TUBA1C: variants seen among roughly 807,000 people sequenced by gnomAD.
The protein encoded by TUBA1C is tubulin alpha 1c.
TUBA1C carries 16 observed loss-of-function variants against 34.9 expected under a neutral mutation model. That is an observed-to-expected ratio of 0.46 (90% CI 0.31 to 0.70). TUBA1C has a LOEUF of 0.70. Among genes scored for constraint, TUBA1C ranks in the 30% least tolerant of loss-of-function variants. The pLI, the probability that TUBA1C is intolerant of heterozygous loss-of-function variation, is 0.05. For missense variants in TUBA1C, 329 were observed against 587.3 expected (o/e 0.56, Z 4.55); for synonymous variants, 177 against 215.9 (o/e 0.82, Z 1.58).
At position 49,273,273 on chromosome 12, in the gene TUBA1C, T is replaced by C. The variant is rs1443320491; in HGVS notation, c.*46T>C. Reference sequence around the variant, plus strand: ...ACTCCTTTGTCTTGGAACTGTCTTATTTTTGTTCTGTAAATGTCTATTGCC... The same window carrying C: ...ACTCCTTTGTCTTGGAACTGTCTTACTTTTGTTCTGTAAATGTCTATTGCC... On this transcript the variant is annotated 3_prime_UTR_variant, in exon 4 of 4. Transcript: ENST00000301072. 3.1e-6 allele frequency: 5 copies of C among 1,613,960 alleles called. No individual in the cohort carries two copies. Among genetic ancestry groups the C allele is most frequent in the Admixed American group, 1.7e-5 (1 of 59,996 alleles).
intron 1 of TUBA1C, among the ~76,000 whole-genome samples, chr12:49,237,608 G>A (rs1339371455): frequency 1.3e-5 from 2 of 151,738 alleles, no homozygotes; most frequent in African/African-American, 4.8e-5. Context: ...AGCCACATGT[G>A]GTGGCATGTG....
Position 49,272,204 on chromosome 12 carries a change from A to G in TUBA1C, c.376-49A>G, listed in dbSNP as rs375327803. On this transcript the variant is annotated intron_variant, in intron 3 of 3. Transcript: ENST00000301072. ...TCTGTAGGTTTCACCAAATGTGAAC[A>G]CTAAATGAAACTTTCGCAACACTAA... The G allele has an allele frequency of 1.8e-4, 282 of 1,552,498 alleles. 1 individual carries two copies. Among genetic ancestry groups the G allele is most frequent in the South Asian group, 1.6e-3 (123 of 78,954 alleles).
At chr12:49,261,879 T>A (rs935243812), upstream of TUBA1C, among the ~76,000 whole-genome samples, 3 of 152,218 alleles carry the variant, frequency 2.0e-5, no homozygotes, top group African/African-American at 4.8e-5. Flanking sequence ...ATTGTAAGAT[T>A]ACAACGAAAG....
chr12:49,244,019 G>A (rs12322876), intron 1 of TUBA1C, among the ~76,000 whole-genome samples: 2,502 of 151,718 alleles, frequency 0.016, 72 homozygotes, highest in African/African-American at 0.057. Flanking sequence ...GTGTGGTGGC[G>A]GGCACCTGTA....
chr12:49,240,261 A>G (rs1441553930), intron 1 of TUBA1C, among the ~76,000 whole-genome samples: 4 of 150,080 alleles, frequency 2.7e-5, no homozygotes, highest in Non-Finnish European at 5.9e-5. Flanking sequence ...AGCTTGTTCT[A>G]TAATTGGGCT....
Position 49,258,624 on chromosome 12 carries a change from C to T in TUBA1C, c.214-10841C>T, listed in dbSNP as rs189901362. Among the ~76,000 whole-genome samples, 8 of 151,764 alleles carry T rather than the reference C, an allele frequency of 5.3e-5. No individual in the cohort carries two copies. In the East Asian group the frequency reaches 5.8e-4, roughly 11 times the overall value. On this transcript the variant is annotated intron_variant, in intron 1 of 3. Transcript: ENST00000541364. ...TGTGTTTTTAGTAGAGATGGGGTTT[C>T]GCCATGTTGGTCAGGCTGCTCTCGA...
intron 1 of TUBA1C, among the ~76,000 whole-genome samples, chr12:49,244,753 C>T (rs1942650975): frequency 6.6e-6 from 1 of 152,006 alleles, no homozygotes. Flanking sequence ...GCATTCCCAC[C>T]AGTCATGTCT....
intron 1 of TUBA1C, among the ~76,000 whole-genome samples, chr12:49,249,656 T>C (rs1942712787): frequency 6.6e-6 from 1 of 151,946 alleles, no homozygotes; most frequent in Admixed American, 6.6e-5. Context: ...GCCCAGGAGT[T>C]GGAGACCAGC....
chr12:49,229,674 GGTGTGTGT>G (rs3884374), intron 1 of TUBA1C, among the ~76,000 whole-genome samples: 2 of 150,064 alleles, frequency 1.3e-5, no homozygotes, highest in African/African-American at 2.4e-5. Flanking sequence ...TTTGCATAGA[GGTGTGTGT>G]GTGTGTGTGT....
chr12:49,265,322 G>A, intron 1 of TUBA1C, 138 bp downstream of exon 1: 1 of 582,730 alleles, frequency 1.7e-6, no homozygotes, highest in Non-Finnish European at 2.7e-6. Flanking sequence ...CCTGGCTTGT[G>A]GCGGCCGGGC....
At position 49,269,856 on chromosome 12, in the gene TUBA1C, G is replaced by A. The variant is rs1942966518; in HGVS notation, c.255G>A (p.Gln85=). ...IDEVRTGTYR[Q]LFHPEQLITG... is the part of the protein sequence containing the mutation. ...AAGTTCGCACTGGCACTTACCGCCAGCTCTTCCACCCTGAGCAACTCATCA... is the reference window on the plus strand; with the variant it reads ...AAGTTCGCACTGGCACTTACCGCCAACTCTTCCACCCTGAGCAACTCATCA... The change falls in exon 3 of 4, where the codon CAG becomes CAA. Residue 85 remains glutamine (Q), a synonymous_variant. Transcript: ENST00000301072. The A allele has an allele frequency of 1.2e-6, 2 of 1,613,812 alleles. No homozygotes were observed. Among genetic ancestry groups the A allele is most frequent in the African/African-American group, 1.3e-5 (1 of 74,804 alleles).
chr12:49,242,810 TG>T (rs2136994999), intron 1 of TUBA1C, among the ~76,000 whole-genome samples: 1 of 151,966 alleles, frequency 6.6e-6, no homozygotes, highest in African/African-American at 2.4e-5. Flanking sequence ...CTAATTCTGT[TG>T]TTGTTGTTTT....
At chr12:49,266,323 G>C (rs1055746564) in intron 1 of TUBA1C, among the ~76,000 whole-genome samples, 3 of 151,262 alleles carry the variant, frequency 2.0e-5, no homozygotes, top group Non-Finnish European at 1.5e-5. Context: ...TCAGCTACTC[G>C]GGAGGCTGAG....
chr12:49,248,362 G>C (rs1420954454), intron 1 of TUBA1C, among the ~76,000 whole-genome samples: 1 of 152,008 alleles, frequency 6.6e-6, no homozygotes, highest in Non-Finnish European at 1.5e-5. Context: ...CTGAGGTCAG[G>C]AGTTCAAAAC....
chr12:49,259,041 G>A (rs904481566), intron 1 of TUBA1C, among the ~76,000 whole-genome samples: 5 of 152,060 alleles, frequency 3.3e-5, no homozygotes. Flanking sequence ...TTACAGGTGT[G>A]AGCCACCGCA....
chr12:49,241,587 T>C (rs2136993701), intron 1 of TUBA1C, among the ~76,000 whole-genome samples: 1 of 152,240 alleles, frequency 6.6e-6, no homozygotes, highest in East Asian at 1.9e-4. Flanking sequence ...GTATGATAAA[T>C]GCTTTACACA....
At chr12:49,245,506 G>T (rs945376515) in intron 1 of TUBA1C, among the ~76,000 whole-genome samples, 3 of 152,190 alleles carry the variant, frequency 2.0e-5, no homozygotes, top group African/African-American at 7.2e-5. Flanking sequence ...CTACTCAGGA[G>T]GCTGAGGTAG....
At chr12:49,231,372 G>A (rs1942495192) in intron 1 of TUBA1C, among the ~76,000 whole-genome samples, 1 of 152,082 alleles carries the variant, frequency 6.6e-6, no homozygotes, top group East Asian at 1.9e-4. Context: ...AGGATCTTGT[G>A]TTGCCCAGAC....
At chr12:49,241,692 C>G (rs1466907030) in intron 1 of TUBA1C, among the ~76,000 whole-genome samples, 2 of 151,554 alleles carry the variant, frequency 1.3e-5, no homozygotes, top group Non-Finnish European at 2.9e-5. Context: ...GCTCTGCCCC[C>G]AGGCTGGAGT....
Sources: allele counts gnomAD v4.1 joint callset (sites outside exome capture counted in the v4.1 genomes callset), GRCh38; gene constraint gnomAD v4.1.1; transcripts MANE v1.5; gene names NCBI Gene and HGNC (gene_info 2026-07-23, HGNC 2026-07-21).